PLXNA4: variants seen among roughly 807,000 people sequenced by gnomAD.
The protein encoded by PLXNA4 is plexin A4.
In PLXNA4, 44 loss-of-function variants were observed where a neutral mutation model predicts 191.8. The observed-to-expected ratio is 0.23, with a 90% confidence interval of 0.18 to 0.29. PLXNA4 has a LOEUF of 0.29. Among genes scored for constraint, PLXNA4 ranks in the 10% least tolerant of loss-of-function variants. The pLI is 1.00. For missense variants in PLXNA4, 1,800 were observed against 2,488.8 expected (o/e 0.72, Z 5.89); for synonymous variants, 1,082 against 1,009.5 (o/e 1.07, Z -1.36).
At chr7:132,241,597 T>C (rs1221402381) in intron 4 of PLXNA4, among the ~76,000 whole-genome samples, 3 of 152,208 alleles carry the variant, frequency 2.0e-5, no homozygotes, top group Non-Finnish European at 2.9e-5. Flanking sequence ...TGTTTCCCCT[T>C]CTTTCCAGTC....
At chr7:132,261,310 G>C (rs996748393) in intron 4 of PLXNA4, among the ~76,000 whole-genome samples, 1 of 152,186 alleles carries the variant, frequency 6.6e-6, no homozygotes, top group Non-Finnish European at 1.5e-5. Flanking sequence ...ACAGAAAAAG[G>C]CTACTCAGTA....
chr7:132,290,673 C>G (rs1800852384), intron 4 of PLXNA4, among the ~76,000 whole-genome samples: 1 of 152,150 alleles, frequency 6.6e-6, no homozygotes, highest in South Asian at 2.1e-4. Flanking sequence ...TGTGCATGTG[C>G]ACACACAGCT....
chr7:132,568,981 C>T (rs1801854753), intron 1 of PLXNA4, among the ~76,000 whole-genome samples: 1 of 152,198 alleles, frequency 6.6e-6, no homozygotes, highest in Non-Finnish European at 1.5e-5. Context: ...ATACCTTCTG[C>T]AGGGAGAGCC....
At chr7:132,330,945 A>T (rs1802566778) in intron 3 of PLXNA4, among the ~76,000 whole-genome samples, 1 of 152,168 alleles carries the variant, frequency 6.6e-6, no homozygotes, top group Non-Finnish European at 1.5e-5. Flanking sequence ...TACTCCTTTT[A>T]CTATAACCTC....
Position 132,234,857 on chromosome 7 carries a change from A to C in PLXNA4, c.1604+6209T>G, listed in dbSNP as rs1037665268. Among the ~76,000 whole-genome samples, 4 of 152,280 alleles carry C rather than the reference A, an allele frequency of 2.6e-5. No individual in the cohort carries two copies. The East Asian group carries it at 7.7e-4, about 29-fold the overall frequency. ...AAGAGTTTGCTGGGTGGAAGTGGAC[A>C]CCAACCATTCCTCATGACTGTGTAG... is the stretch of plus-strand genomic sequence containing the variant. On this transcript the variant is annotated intron_variant, in intron 5 of 31. Coordinates refer to ENST00000321063, the MANE Select transcript of PLXNA4 (RefSeq NM_020911.2).
intron 3 of PLXNA4, among the ~76,000 whole-genome samples, chr7:132,467,307 G>A (rs753372157): frequency 2.6e-5 from 4 of 152,140 alleles, no homozygotes; most frequent in South Asian, 2.1e-4. Flanking sequence ...AGCTGAGTCC[G>A]TCACAGTCCC....
chr7:132,334,500 T>C (rs944794023), intron 3 of PLXNA4, among the ~76,000 whole-genome samples: 2 of 151,990 alleles, frequency 1.3e-5, no homozygotes, highest in Non-Finnish European at 2.9e-5. Context: ...CCAAGAGACC[T>C]TCCCTCCTCA....
intron 1 of PLXNA4, among the ~76,000 whole-genome samples, chr7:132,561,700 ACTCTTCCTCCTCCTCCTTCTCCTC>A (rs1563172963): frequency 8.3e-5 from 3 of 36,348 alleles, no homozygotes; most frequent in Non-Finnish European, 1.6e-4. Flanking sequence ...ACCTCCTCCT[ACTCTTCCTCCTCCTCCTTCTCCTC>A]CTCTTCCTCC....
intron 3 of PLXNA4, among the ~76,000 whole-genome samples, chr7:132,453,457 A>AG (rs911972440): frequency 3.9e-5 from 6 of 152,238 alleles, no homozygotes; most frequent in African/African-American, 1.4e-4. Flanking sequence ...CAAGCTCCCC[A>AG]GGTGATCCCG....
intron 4 of PLXNA4, among the ~76,000 whole-genome samples, chr7:132,241,567 T>C (rs1055312845): frequency 6.6e-6 from 1 of 152,234 alleles, no homozygotes; most frequent in Admixed American, 6.5e-5. Flanking sequence ...CACTCTCTCA[T>C]GGTTTCTCTT....
At chr7:132,225,157 A>G (rs1798274833) in intron 8 of PLXNA4, among the ~76,000 whole-genome samples, 1 of 152,236 alleles carries the variant, frequency 6.6e-6, no homozygotes, top group African/African-American at 2.4e-5. Context: ...GAAGAAAAAA[A>G]AGGCTGGCCC....
chr7:132,529,961 AC>A (rs1489532302), intron 1 of PLXNA4, among the ~76,000 whole-genome samples: 1 of 152,122 alleles, frequency 6.6e-6, no homozygotes, highest in Non-Finnish European at 1.5e-5. Flanking sequence ...TGATAGGCAA[AC>A]CCTGTCACGT....
intron 5 of PLXNA4, among the ~76,000 whole-genome samples, chr7:132,239,977 T>C (rs2117033694): frequency 6.6e-6 from 1 of 152,282 alleles, no homozygotes; most frequent in South Asian, 2.1e-4. Context: ...CCCAGAGATG[T>C]ATTCGAGTTT....
intron 12 of PLXNA4, among the ~76,000 whole-genome samples, chr7:132,201,862 G>A (rs1040651490): frequency 1.3e-5 from 2 of 152,192 alleles, no homozygotes; most frequent in Non-Finnish European, 2.9e-5. Flanking sequence ...TACCAATGAT[G>A]ATGAGTGAGG....
intron 2 of PLXNA4, among the ~76,000 whole-genome samples, chr7:132,582,312 C>T (rs1040198319): frequency 1.3e-5 from 2 of 152,154 alleles, no homozygotes; most frequent in South Asian, 2.1e-4. Flanking sequence ...GTTGAATGCT[C>T]TTGCCTGGTA....
intron 2 of PLXNA4, among the ~76,000 whole-genome samples, chr7:132,617,862 C>A (rs937087450): frequency 3.9e-5 from 6 of 152,308 alleles, no homozygotes; most frequent in African/African-American, 1.4e-4. Flanking sequence ...TTTTTCTCTG[C>A]AGGTCTTGGG....
At chr7:132,318,148 A>C (rs1392190124) in intron 3 of PLXNA4, among the ~76,000 whole-genome samples, 1 of 151,996 alleles carries the variant, frequency 6.6e-6, no homozygotes, top group Non-Finnish European at 1.5e-5. Flanking sequence ...AGGCAGGGGG[A>C]CTGGAGCGGA....
At chr7:132,590,509 C>G (rs954620935) in intron 2 of PLXNA4, among the ~76,000 whole-genome samples, 1 of 152,170 alleles carries the variant, frequency 6.6e-6, no homozygotes, top group Non-Finnish European at 1.5e-5. Flanking sequence ...AGTGCAGCCT[C>G]CAGTCTGTGG....
At chr7:132,255,729 G>C (rs1799409127) in intron 4 of PLXNA4, among the ~76,000 whole-genome samples, 1 of 152,146 alleles carries the variant, frequency 6.6e-6, no homozygotes, top group South Asian at 2.1e-4. Flanking sequence ...CCTATCAATA[G>C]GGCTTTGGCC....
Sources: allele counts gnomAD v4.1 joint callset (sites outside exome capture counted in the v4.1 genomes callset), GRCh38; gene constraint gnomAD v4.1.1; transcripts MANE v1.5; gene names NCBI Gene and HGNC (gene_info 2026-07-23, HGNC 2026-07-21).